The following MEF2D variants were observed in gnomAD, a reference collection of about 807,000 sequenced individuals.
MEF2D encodes the protein myocyte-specific enhancer factor 2D.
Under a neutral mutation model 59.3 loss-of-function variants are expected in MEF2D, and 10 were observed. That is an observed-to-expected ratio of 0.17 (90% CI 0.10 to 0.29). The LOEUF (loss-of-function observed/expected upper bound fraction) is 0.29, where lower values mean the gene tolerates loss of function less well. Ranked by LOEUF, MEF2D falls within the 10% of genes least tolerant of loss-of-function variation. The pLI, the probability that MEF2D is intolerant of heterozygous loss-of-function variation, is 1.00. For synonymous variants in MEF2D, 305 were observed against 295.0 expected (o/e 1.03, Z -0.35); for missense variants, 508 against 699.4 (o/e 0.73, Z 3.09).
chr1:156,490,558 T>A (rs954289336), intron 1 of MEF2D: 1 of 152,324 alleles, frequency 6.6e-6, no homozygotes, highest in Non-Finnish European at 1.5e-5. Context: ...GGGCAGGCAG[T>A]CCAGGAAAGC....
chr1:156,493,604 C>T (rs1173390902), intron 1 of MEF2D, among the ~76,000 whole-genome samples: 2 of 152,200 alleles, frequency 1.3e-5, no homozygotes, highest in Admixed American at 6.5e-5. Context: ...CTGCACAAGG[C>T]TATGCAGATA....
chr1:156,468,920 C>T lies in MEF2D; in HGVS notation c.1107G>A (p.Gln369=). The stretch of plus-strand genomic sequence containing the variant: ...GCTGTGGCTGCTGCGGCTGCTGGGG[C>T]TGCTGTGGCTGTTGCCAGGCAGTGA... ...GNVTAWQQPQ[Q]PQQPQQPQPP... Residue 369 remains glutamine, a synonymous_variant, in exon 10 of 12, where the codon CAG becomes CAA. Coordinates refer to ENST00000348159, the MANE Select transcript of MEF2D (RefSeq NM_005920.4). The surrounding 1 kb of genome is among the most constrained non-coding windows in gnomAD (Gnocchi z 4.3). 6.2e-7 allele frequency: 1 copy of T among 1,613,310 alleles called. No individual in the cohort carries two copies. Among genetic ancestry groups the T allele is most frequent in the South Asian group, 1.1e-5 (1 of 91,040 alleles).
intron 1 of MEF2D, among the ~76,000 whole-genome samples, chr1:156,488,533 T>C (rs1034940110): frequency 1.3e-5 from 2 of 152,192 alleles, no homozygotes; most frequent in African/African-American, 4.8e-5. Flanking sequence ...GATAGCCATT[T>C]TTCCAATCCC....
At chr1:156,476,597 G>A (rs1320925447) in intron 7 of MEF2D, 83 bp from the exon 8 acceptor site, 3 of 1,533,838 alleles carry the variant, frequency 2.0e-6, no homozygotes, top group African/African-American at 1.4e-5. Context: ...AGCTGTTCCA[G>A]TCACCTCTCT....
chr1:156,490,068 A>G (rs1285860256), intron 1 of MEF2D, among the ~76,000 whole-genome samples: 3 of 152,202 alleles, frequency 2.0e-5, no homozygotes, highest in Non-Finnish European at 4.4e-5. Context: ...TGTGGTTCAC[A>G]CAGTGAGCTC....
chr1:156,476,899 G>C, intron 7 of MEF2D, 113 bp downstream of exon 7: 1 of 1,247,686 alleles, frequency 8.0e-7, no homozygotes, highest in South Asian at 1.4e-5. Context: ...GATTTATCTT[G>C]GGAAGTCCTA....
At chr1:156,476,405 C>T in intron 8 of MEF2D, 89 bp downstream of exon 8, 2 of 1,463,570 alleles carry the variant, frequency 1.4e-6, no homozygotes, top group South Asian at 2.4e-5. Context: ...AGGCGAGAGG[C>T]CAAGGACGCA....
intron 9 of MEF2D, among the ~76,000 whole-genome samples, chr1:156,474,234 A>G (rs2102034530): frequency 6.6e-6 from 1 of 152,288 alleles, no homozygotes; most frequent in South Asian, 2.1e-4. Flanking sequence ...GGATCACTTG[A>G]ACTCAGGAGT....
At chr1:156,500,329 C>T (rs955041057) in intron 1 of MEF2D, among the ~76,000 whole-genome samples, 157 bp downstream of exon 1, 1 of 152,246 alleles carries the variant, frequency 6.6e-6, no homozygotes, top group African/African-American at 2.4e-5. Context: ...CAACGCCACA[C>T]GAAAACACGG....
At chr1:156,483,104 A>G (rs1672126784) in intron 2 of MEF2D, 135 bp downstream of exon 2, 7 of 947,016 alleles carry the variant, frequency 7.4e-6, no homozygotes, top group Non-Finnish European at 8.3e-6. Flanking sequence ...CTCTTCTCCC[A>G]ATCTCCCTTC....
At chr1:156,475,311 C>A in intron 8 of MEF2D, 74 bp from the exon 9 acceptor site, 1 of 1,482,898 alleles carries the variant, frequency 6.7e-7, no homozygotes, top group Non-Finnish European at 9.0e-7. Context: ...ATCCCAAGGC[C>A]AAGGTGGGGT....
chr1:156,468,100 G>C lies in MEF2D; in HGVS notation c.1447C>G (p.Arg483Gly), dbSNP rs752408015. The C allele has an allele frequency of 6.2e-6, 10 of 1,614,028 alleles. No homozygotes were observed. The East Asian group carries it at 2.2e-4, about 36-fold the overall frequency. Residue 483 changes from arginine (R) to glycine (G), a missense_variant, in exon 11 of 12, where the codon CGG becomes GGG. Arg to Gly is a moderately radical substitution (Grantham distance 125, BLOSUM62 -2). Coordinates refer to ENST00000348159, the MANE Select transcript of MEF2D (RefSeq NM_005920.4). This position sits in a 1 kb window ranked among gnomAD's most constrained non-coding sequence, Gnocchi z 4.3. ...PAGGSYETGDRDDGRGDFGPT... is the reference protein window; with the variant it reads ...PAGGSYETGDGDDGRGDFGPT... ...CCGAAGTCCCCCCGTCCGTCATCCC[G>C]GTCTCCCGTCTCATAGGATCCCCCG...
At chr1:156,481,258 C>T (rs1671996304) in intron 3 of MEF2D, among the ~76,000 whole-genome samples, 1 of 152,088 alleles carries the variant, frequency 6.6e-6, no homozygotes, top group Non-Finnish European at 1.5e-5. Flanking sequence ...AAGTGACAGG[C>T]AGGGAAGGGG....
At chr1:156,480,754 T>C in intron 4 of MEF2D, 80 bp downstream of exon 4, 1 of 1,577,460 alleles carries the variant, frequency 6.3e-7, no homozygotes, top group Non-Finnish European at 8.6e-7. Flanking sequence ...GGCTCTCACA[T>C]TCCCTGTGCT....
In MEF2D at chr1:156,468,597, G is replaced by A. The variant is rs549956251; in HGVS notation, c.1247+183C>T. Among the ~76,000 whole-genome samples, 1 of 152,232 alleles carries A rather than the reference G, an allele frequency of 6.6e-6. No individual in the cohort carries two copies. The highest frequency in any genetic ancestry group is 2.4e-5 in the African/African-American group (1 of 41,544). ...CTGGCTCTCAGAAGGGGTTCAGGGT[G>A]AGCCTCTTGGGTCTGTACAAGAGAG... On this transcript the variant is annotated intron_variant, in intron 10 of 11. Transcript: ENST00000348159. The surrounding 1 kb of genome is among the most constrained non-coding windows in gnomAD (Gnocchi z 4.3).
At chr1:156,496,854 G>A (rs1436189243) in intron 1 of MEF2D, among the ~76,000 whole-genome samples, 2 of 152,180 alleles carry the variant, frequency 1.3e-5, no homozygotes, top group Admixed American at 6.5e-5. Flanking sequence ...GGGCCTAATG[G>A]CTATTTCTCC....
chr1:156,484,646 G>A (rs1282043764), intron 1 of MEF2D, among the ~76,000 whole-genome samples: 1 of 152,184 alleles, frequency 6.6e-6, no homozygotes, highest in Admixed American at 6.5e-5. Context: ...CAGGCACCAG[G>A]CAGAGAACCT....
At position 156,466,252 on chromosome 1, in the gene MEF2D, T is replaced by C. The variant is rs1473205552; in HGVS notation, c.*1393A>G. 1 of 152,508 alleles carries C rather than the reference T, an allele frequency of 6.6e-6. No individual in the cohort carries two copies. Among genetic ancestry groups the C allele is most frequent in the Non-Finnish European group, 1.5e-5 (1 of 68,034 alleles). 9.4% of individuals were successfully genotyped at this position (152,508 alleles called of 1,614,324 possible). On this transcript the variant is annotated 3_prime_UTR_variant, in exon 12 of 12. Transcript: ENST00000348159. ...GCCGTTTGAGTCATTATTATTACAA[T>C]ATACTTTGACAAAAATAGAATCTCA... is the stretch of plus-strand genomic sequence containing the variant.
chr1:156,475,343 CG>C, intron 8 of MEF2D, 106 bp from the exon 9 acceptor site: 1 of 1,404,304 alleles, frequency 7.1e-7, no homozygotes, highest in Non-Finnish European at 9.4e-7. Flanking sequence ...AAAGCCAAGG[CG>C]GGGTGCCTTA....
Sources: allele counts gnomAD v4.1 joint callset (sites outside exome capture counted in the v4.1 genomes callset), GRCh38; gene constraint gnomAD v4.1.1; non-coding constraint Gnocchi (gnomAD v3.1); transcripts MANE v1.5; gene names NCBI Gene and HGNC (gene_info 2026-07-23, HGNC 2026-07-21).